The following RRP12 variants were observed in gnomAD, a reference collection of about 807,000 sequenced individuals.
RRP12 encodes the protein RRP12-like protein.
Under a neutral mutation model 157.3 loss-of-function variants are expected in RRP12, and 78 were observed. The ratio of observed to expected loss-of-function variants is 0.50; its 90% CI spans 0.41 to 0.60. The LOEUF (loss-of-function observed/expected upper bound fraction) is 0.60, where lower values mean the gene tolerates loss of function less well. Among genes scored for constraint, RRP12 ranks in the 20% least tolerant of loss-of-function variants. The pLI is 0.00. For missense variants in RRP12, 1,521 were observed against 1,679.9 expected, an observed-to-expected ratio of 0.91 and a Z score of 1.65; for synonymous variants, 726 against 670.9, an observed-to-expected ratio of 1.08 and a Z score of -1.27.
At chr10:97,377,444 G>A (rs1030983158) in intron 15 of RRP12, among the ~76,000 whole-genome samples, 8 of 152,072 alleles carry the variant, frequency 5.3e-5, no homozygotes, top group African/African-American at 1.4e-4. Flanking sequence ...CAGGAGAATC[G>A]CTTGAATCTG....
In RRP12 at chr10:97,381,538, C is replaced by T. The variant is rs893120955; in HGVS notation, c.1321-55G>A. 13 of 1,398,084 alleles carry T rather than the reference C, an allele frequency of 9.3e-6. No homozygotes were observed. In the East Asian group the frequency reaches 3.1e-4, roughly 33 times the overall value. The allele number at this position is 1,398,084 out of a possible 1,614,324, so 86.6% of individuals were successfully genotyped here. On this transcript the variant is annotated intron_variant, in intron 11 of 33. Coordinates refer to ENST00000370992, the MANE Select transcript of RRP12 (RefSeq NM_015179.4). ...CCCAAGGCAGCCCCCCAGGACCACT[C>T]TCCCCTCCCAGGCAACAGTTTCCTG...
At chr10:97,387,428 G>A (rs1276259587) in intron 8 of RRP12, among the ~76,000 whole-genome samples, 14 of 150,560 alleles carry the variant, frequency 9.3e-5, no homozygotes, top group Admixed American at 9.3e-4. Flanking sequence ...CAACCTCCTG[G>A]GCTCAAGCAA....
At chr10:97,358,812 T>C (rs1843774519) in intron 32 of RRP12, 131 bp downstream of exon 32, 2 of 837,450 alleles carry the variant, frequency 2.4e-6, no homozygotes. Context: ...TCTGAACCCC[T>C]TCTTCTTTCC....
At chr10:97,387,671 T>A (rs973551099) in intron 8 of RRP12, among the ~76,000 whole-genome samples, 24 of 150,810 alleles carry the variant, frequency 1.6e-4, no homozygotes, top group Admixed American at 2.6e-4. Flanking sequence ...CCGGGCGCAG[T>A]GGCTCACGCC....
At position 97,370,783 on chromosome 10, in the gene RRP12, C is replaced by A; in HGVS notation, c.2516G>T (p.Cys839Phe). The change falls in exon 22 of 34, where the codon TGC (cysteine) becomes TTC (phenylalanine). Residue 839 changes from cysteine (C) to phenylalanine (F), a missense_variant. By Grantham distance (205) the Cys-to-Phe change is radical. Transcript: ENST00000370992. ...GAGCTTCCTCACGATGTGTAGGAGG[C>A]ACTTCAAACGGGGCTGTGGGCAAAG... ...SSPAKRPRLK[C>F]LLHIVRKLSA... 2 of 1,613,940 alleles carry A rather than the reference C, an allele frequency of 1.2e-6. No individual in the cohort carries two copies. Among genetic ancestry groups the A allele is most frequent in the Non-Finnish European group, 1.7e-6 (2 of 1,179,910 alleles).
At position 97,372,057 on chromosome 10, in the gene RRP12, G is replaced by C; in HGVS notation, c.2343+16C>G. 1 of 1,594,956 alleles carries C rather than the reference G, an allele frequency of 6.3e-7. No homozygotes were observed. Among genetic ancestry groups the C allele is most frequent in the Non-Finnish European group, 8.6e-7 (1 of 1,165,316 alleles). The stretch of plus-strand genomic sequence containing the variant: ...CCAAGCGTGGCTGTGTGGCGCTCCT[G>C]GCCCCCGAGGCTCACCTCTAGGTAG... On this transcript the variant is annotated intron_variant, in intron 20 of 33. Transcript: ENST00000370992.
intron 15 of RRP12, among the ~76,000 whole-genome samples, chr10:97,376,743 A>G (rs1345020160): frequency 6.6e-6 from 1 of 152,110 alleles, no homozygotes; most frequent in Non-Finnish European, 1.5e-5. Context: ...AAATGTCTCC[A>G]GGCATTGCTG....
chr10:97,384,141 C>T (rs1366777885), intron 10 of RRP12, among the ~76,000 whole-genome samples: 10 of 126,958 alleles, frequency 7.9e-5, no homozygotes, highest in Admixed American at 6.9e-4. Context: ...AGGCCCTGAG[C>T]ACCCCCAACC....
At chr10:97,392,691 T>A (rs1010520347) in intron 4 of RRP12, among the ~76,000 whole-genome samples, 11 of 135,520 alleles carry the variant, frequency 8.1e-5, no homozygotes, top group African/African-American at 1.2e-4. Context: ...TTCATTTTCT[T>A]TCTATTTTTT....
intron 15 of RRP12, among the ~76,000 whole-genome samples, chr10:97,375,119 G>A (rs1447668762): frequency 6.6e-6 from 1 of 152,024 alleles, no homozygotes; most frequent in Non-Finnish European, 1.5e-5. Flanking sequence ...ATCCCAAAGT[G>A]GGACTTAAAA....
rs753812897 is a variant in RRP12 at position 97,357,066 on chromosome 10, C to T, written c.*28G>A. ...GGGGCTGAAAGGGCCTCAGACTGGA[C>T]CACAGGGCAGCCCAGGGGCCCTGGG... On this transcript the variant is annotated 3_prime_UTR_variant, in exon 34 of 34. Transcript: ENST00000370992. 1 of 1,445,096 alleles carries T rather than the reference C, an allele frequency of 6.9e-7. No individual in the cohort carries two copies. Among genetic ancestry groups the T allele is most frequent in the Non-Finnish European group, 9.7e-7 (1 of 1,030,048 alleles). The allele number at this position is 1,445,096 out of a possible 1,614,324, so 89.5% of individuals were successfully genotyped here.
At chr10:97,393,594 A>G in intron 4 of RRP12, 90 bp downstream of exon 4, 8 of 1,038,328 alleles carry the variant, frequency 7.7e-6, no homozygotes, top group Non-Finnish European at 1.2e-5. Context: ...ATCTTTTTAA[A>G]TAACAATTCC....
chr10:97,387,686 A>T (rs991528389), intron 8 of RRP12, among the ~76,000 whole-genome samples: 1 of 151,824 alleles, frequency 6.6e-6, no homozygotes, highest in Non-Finnish European at 1.5e-5. Flanking sequence ...CACGCCTGTA[A>T]TCCCAGAACT....
chr10:97,395,951 A>G (rs1844951850), intron 3 of RRP12, among the ~76,000 whole-genome samples: 1 of 151,978 alleles, frequency 6.6e-6, no homozygotes, highest in South Asian at 2.1e-4. Context: ...AGACGGTTTG[A>G]GCCCAGGAAT....
At chr10:97,375,284 TA>T (rs1358950491) in intron 15 of RRP12, among the ~76,000 whole-genome samples, 11 of 151,832 alleles carry the variant, frequency 7.2e-5, no homozygotes, top group Non-Finnish European at 1.3e-4. Context: ...AAAAAATTTT[TA>T]TAGAGACAGG....
At chr10:97,385,140 C>G (rs1259697616) in intron 10 of RRP12, 26 bp downstream of exon 10, 2 of 1,563,546 alleles carry the variant, frequency 1.3e-6, no homozygotes, top group South Asian at 2.2e-5. Flanking sequence ...GGACAGAGGC[C>G]CTAAGCACCC....
chr10:97,398,095 C>T lies in RRP12; in HGVS notation c.370-1794G>A, dbSNP rs1163367979. On this transcript the variant is annotated intron_variant, in intron 2 of 33. Coordinates refer to ENST00000370992, the MANE Select transcript of RRP12 (RefSeq NM_015179.4). ...TGGAGTCTCGCTCTGTTGCCCAGGC[C>T]GGACTGCGGACTGCAGTGGCGCAAT... Among the ~76,000 whole-genome samples, 6 of 72,402 alleles carry T rather than the reference C, an allele frequency of 8.3e-5. 1 individual carries two copies. The highest frequency in any genetic ancestry group is 6.9e-4 in the East Asian group (2 of 2,888). 47.5% of individuals were successfully genotyped at this position (72,402 alleles called of 152,430 possible).
At position 97,374,733 on chromosome 10, in the gene RRP12, TTGCACAACAGCCTG is replaced by T. The variant is rs1844257331; in HGVS notation, c.1799-853_1799-840del. On this transcript the variant is annotated intron_variant, in intron 15 of 33. Coordinates refer to ENST00000370992, the MANE Select transcript of RRP12 (RefSeq NM_015179.4). ...CTTGCAGTGAGCCGAGATCGTGCTA[TTGCACAACAGCCTG>T]GGTGACGGAGCGAGACTCTGTCTCA... Among the ~76,000 whole-genome samples the T allele has an allele frequency of 2.1e-5, 3 of 145,456 alleles. No individual in the cohort carries two copies. In the Admixed American group the frequency reaches 2.1e-4, roughly 10 times the overall value.
rs376411652 is a variant in RRP12 at position 97,388,515 on chromosome 10, C to T, written c.863G>A (p.Cys288Tyr). The change falls in exon 7 of 34, where the codon TGC becomes TAC. Residue 288 changes from cysteine to tyrosine, a missense_variant. By Grantham distance (194) the Cys-to-Tyr change is radical (BLOSUM62 -2). Transcript: ENST00000370992. ...HPAAISTAKFCIQEIEKSGGS... is the reference protein window; with the variant it reads ...HPAAISTAKFYIQEIEKSGGS... ...TCCAGACTTCTCAATCTCCTGGATG[C>T]AGAACTTGGCAGTGGAAATGGCAGC... 2.1e-5 allele frequency: 34 copies of T among 1,614,098 alleles called. No homozygotes were observed. Among genetic ancestry groups the T allele is most frequent in the East Asian group, 1.3e-4 (6 of 44,904 alleles).
Sources: gnomAD v4.1 joint callset for allele counts (sites outside exome capture counted in the v4.1 genomes callset) on GRCh38, gnomAD v4.1.1 for gene constraint, MANE v1.5 for transcripts, NCBI Gene and HGNC (gene_info 2026-07-23, HGNC 2026-07-21) for gene names.